The following PNPT1 variants were observed in gnomAD, a reference collection of about 807,000 sequenced individuals.
The protein encoded by PNPT1 is polyribonucleotide nucleotidyltransferase 1, mitochondrial.
PNPT1 carries 53 observed loss-of-function variants against 119.5 expected under a neutral mutation model. The observed-to-expected ratio is 0.44, with a 90% confidence interval of 0.36 to 0.56. The LOEUF is 0.56. Among genes scored for constraint, PNPT1 ranks in the 20% least tolerant of loss-of-function variants. The pLI is 0.00. For missense variants in PNPT1, 948 were observed against 938.5 expected, an observed-to-expected ratio of 1.01 and a Z score of -0.13; for synonymous variants, 357 against 322.1, an observed-to-expected ratio of 1.11 and a Z score of -1.16.
intron 20 of PNPT1, 38 bp downstream of exon 20, chr2:55,646,377 A>G (rs1696005647): frequency 6.2e-7 from 1 of 1,603,022 alleles, no homozygotes; most frequent in Non-Finnish European, 8.5e-7. Flanking sequence ...CATTATTTAA[A>G]TGTTACAAAA....
intron 25 of PNPT1, among the ~76,000 whole-genome samples, chr2:55,640,955 G>A (rs1395507860): frequency 1.3e-5 from 2 of 152,124 alleles, no homozygotes; most frequent in Non-Finnish European, 2.9e-5. Flanking sequence ...GCCAGGTGCG[G>A]TGGCTCACAC....
rs568022437 is a variant in PNPT1, at chr2:55,655,383, G to T, written c.1442-430C>A. Among the ~76,000 whole-genome samples the T allele has an allele frequency of 3.3e-5, 5 of 152,236 alleles. No individual in the cohort carries two copies. In the South Asian group the frequency reaches 1.0e-3, roughly 32 times the overall value. On this transcript the variant is annotated intron_variant, in intron 17 of 27. Transcript: ENST00000447944. ...GATCCACCCGCCTTGGCCTCCCAAA[G>T]TGCTGGGATTACAGGTGTGAGCCAC...
intron 18 of PNPT1, among the ~76,000 whole-genome samples, chr2:55,651,885 C>CAAAAAAAAAAAAAAAAAAAAAAA: frequency 3.3e-5 from 4 of 119,774 alleles, no homozygotes; most frequent in Non-Finnish European, 6.7e-5. Flanking sequence ...AAAGGAAAGT[C>CAAAAAAAAAAAAAAAAAAAAAAA]AAAAAAAAAA....
At chr2:55,655,344 C>A (rs1423495647) in intron 17 of PNPT1, among the ~76,000 whole-genome samples, 1 of 151,930 alleles carries the variant, frequency 6.6e-6, no homozygotes, top group Non-Finnish European at 1.5e-5. Context: ...CAAGTTAGAC[C>A]CTTTGGACCT....
At chr2:55,681,016 T>A in intron 5 of PNPT1, 98 bp from the exon 6 acceptor site, 1 of 929,544 alleles carries the variant, frequency 1.1e-6, no homozygotes, top group Non-Finnish European at 1.7e-6. Context: ...AGCAGGGGCT[T>A]TGTAGCCAAA....
At chr2:55,661,392 G>A (rs1572813911) in intron 14 of PNPT1, among the ~76,000 whole-genome samples, 2 of 152,066 alleles carry the variant, frequency 1.3e-5, no homozygotes, top group East Asian at 1.9e-4. Context: ...ACCACGCCCG[G>A]CCTGCAATAA....
intron 25 of PNPT1, among the ~76,000 whole-genome samples, chr2:55,642,167 T>A (rs1225659651): frequency 6.6e-6 from 1 of 151,770 alleles, no homozygotes; most frequent in Non-Finnish European, 1.5e-5. Context: ...TATGTGCCAA[T>A]TAAGCATTCA....
chr2:55,676,078 T>A (rs931791616), intron 8 of PNPT1, among the ~76,000 whole-genome samples: 2 of 151,696 alleles, frequency 1.3e-5, no homozygotes, highest in Non-Finnish European at 2.9e-5. Context: ...CTGGCCAACA[T>A]GTTGAAACCC....
At chr2:55,643,260 A>G (rs921777493) in intron 24 of PNPT1, 47 bp from the exon 25 acceptor site, 3 of 1,613,286 alleles carry the variant, frequency 1.9e-6, no homozygotes, top group Non-Finnish European at 2.5e-6. Flanking sequence ...AAACATCAAC[A>G]AAAAGTAGAA....
chr2:55,690,615 T>C (rs946021612), intron 1 of PNPT1, among the ~76,000 whole-genome samples: 9 of 152,232 alleles, frequency 5.9e-5, no homozygotes, highest in African/African-American at 1.9e-4. Flanking sequence ...AGTTTGAAAG[T>C]CAGAACAAAG....
At chr2:55,686,551 T>G in intron 2 of PNPT1, 107 bp from the exon 3 acceptor site, 2 of 744,914 alleles carry the variant, frequency 2.7e-6, no homozygotes, top group Admixed American at 3.0e-5. Context: ...AAAAGATATC[T>G]AATTCTACGA....
At chr2:55,675,937 C>T (rs932397556) in intron 8 of PNPT1, among the ~76,000 whole-genome samples, 20 of 152,086 alleles carry the variant, frequency 1.3e-4, no homozygotes, top group Non-Finnish European at 2.5e-4. Flanking sequence ...GCTATCGATG[C>T]TAAAAATTTA....
chr2:55,686,509 C>G (rs72807624), intron 2 of PNPT1, 65 bp from the exon 3 acceptor site: 1 of 1,194,396 alleles, frequency 8.4e-7, no homozygotes, highest in South Asian at 1.3e-5. Context: ...TAAGTAGCAA[C>G]TGAATAAATC....
intron 26 of PNPT1, among the ~76,000 whole-genome samples, chr2:55,640,025 G>T (rs915385957): frequency 6.6e-6 from 1 of 151,986 alleles, no homozygotes; most frequent in Admixed American, 6.6e-5. Flanking sequence ...AACTTCTAGC[G>T]TATATTATAA....
chr2:55,663,042 G>A (rs765928465), intron 13 of PNPT1, among the ~76,000 whole-genome samples: 7 of 151,976 alleles, frequency 4.6e-5, no homozygotes, highest in Non-Finnish European at 8.8e-5. Flanking sequence ...GTGCCACCAC[G>A]CCCAGCTAAT....
intron 17 of PNPT1, 149 bp from the exon 18 acceptor site, chr2:55,655,102 T>C (rs1279245276): frequency 2.7e-6 from 2 of 746,402 alleles, no homozygotes; most frequent in Non-Finnish European, 4.3e-6. Context: ...CAAGGTCTTT[T>C]AAGCTATAAA....
chr2:55,642,333 G>A (rs1038898875), intron 25 of PNPT1, among the ~76,000 whole-genome samples: 6 of 151,828 alleles, frequency 4.0e-5, no homozygotes, highest in East Asian at 1.9e-4. Flanking sequence ...TTGGCCGGGC[G>A]CGGTGGCTCA....
chr2:55,686,411 T>G lies in PNPT1; in HGVS notation c.256A>C (p.Ser86Arg). ...GDTAVMVTAV[S>R]KTKPSPSQFM... Reference sequence around the variant, plus strand: ...TGGGAAGGGGAAGGTTTTGTTTTACTGACCGCTGTGACCATTACTGCAGTG... The same window carrying G: ...TGGGAAGGGGAAGGTTTTGTTTTACGGACCGCTGTGACCATTACTGCAGTG... Residue 86 changes from serine (S) to arginine (R), a missense_variant, in exon 3 of 28, where the codon AGT (serine) becomes CGT (arginine). Coordinates refer to ENST00000447944, the MANE Select transcript of PNPT1 (RefSeq NM_033109.5). 1.2e-6 allele frequency: 2 copies of G among 1,614,034 alleles called. No homozygotes were observed. The highest frequency in any genetic ancestry group is 2.2e-5 in the South Asian group (2 of 91,084).
At chr2:55,637,017 G>C (rs1695695397) in intron 27 of PNPT1, among the ~76,000 whole-genome samples, 1 of 152,178 alleles carries the variant, frequency 6.6e-6, no homozygotes, top group Non-Finnish European at 1.5e-5. Context: ...AGTTACTCAG[G>C]TCATGCGTAT....
Sources: gnomAD v4.1 joint callset for allele counts (sites outside exome capture counted in the v4.1 genomes callset) on GRCh38, gnomAD v4.1.1 for gene constraint, MANE v1.5 for transcripts, NCBI Gene and HGNC (gene_info 2026-07-23, HGNC 2026-07-21) for gene names.